The following GPR176 variants were observed in gnomAD, a reference collection of about 807,000 sequenced individuals.
GPR176 encodes the protein G-protein coupled receptor 176.
Under a neutral mutation model 35.4 loss-of-function variants are expected in GPR176, and 26 were observed. The ratio of observed to expected loss-of-function variants is 0.74; its 90% confidence interval spans 0.54 to 1.02. The LOEUF is 1.02. GPR176 is among the 50% of genes least tolerant of loss of function. The pLI, the probability that GPR176 is intolerant of heterozygous loss-of-function variation, is 0.00. For synonymous variants in GPR176, 278 were observed against 271.3 expected, an observed-to-expected ratio of 1.02 and a Z score of -0.24; for missense variants, 597 against 665.3, an observed-to-expected ratio of 0.90 and a Z score of 1.13.
At chr15:39,824,396 A>G (rs752547458) in intron 1 of GPR176, among the ~76,000 whole-genome samples, 1 of 152,142 alleles carries the variant, frequency 6.6e-6, no homozygotes, top group Non-Finnish European at 1.5e-5. Context: ...CCTCATCCTC[A>G]CTAAGTTTAC....
chr15:39,909,251 T>C (rs1340640070), intron 1 of GPR176, among the ~76,000 whole-genome samples: 1 of 152,174 alleles, frequency 6.6e-6, no homozygotes, highest in Admixed American at 6.5e-5. Context: ...AGATGATGGA[T>C]GCCTCTGGTT....
At chr15:39,859,491 G>GA (rs34571204) in intron 1 of GPR176, among the ~76,000 whole-genome samples, 109,129 of 143,588 alleles carry the variant, frequency 0.76, 41,501 homozygotes, top group Non-Finnish European at 0.81. Flanking sequence ...TGGCCACTGT[G>GA]AAAAAAAAAA....
intron 1 of GPR176, chr15:39,862,021 G>A (rs146597398): frequency 0.013 from 2,041 of 152,260 alleles, 17 homozygotes; most frequent in African/African-American, 0.023. Context: ...CCACTCTAGT[G>A]GTTGCCTGAC....
chr15:39,825,524 T>C (rs1312241750), intron 1 of GPR176, among the ~76,000 whole-genome samples: 4 of 152,150 alleles, frequency 2.6e-5, no homozygotes, highest in Non-Finnish European at 5.9e-5. Flanking sequence ...TTTATATATA[T>C]GCATTACATA....
At chr15:39,917,490 C>A (rs923287944) in intron 1 of GPR176, among the ~76,000 whole-genome samples, 1 of 151,148 alleles carries the variant, frequency 6.6e-6, no homozygotes, top group African/African-American at 2.4e-5. Context: ...TGCATGCCAC[C>A]ACATGCAGCT....
At chr15:39,811,323 C>A (rs1411275021) in intron 1 of GPR176, among the ~76,000 whole-genome samples, 1 of 152,020 alleles carries the variant, frequency 6.6e-6, no homozygotes, top group Non-Finnish European at 1.5e-5. Context: ...GCCACTCTAC[C>A]CAGCTAGAAC....
At chr15:39,861,572 A>G (rs2140827624) in intron 1 of GPR176, among the ~76,000 whole-genome samples, 1 of 152,048 alleles carries the variant, frequency 6.6e-6, no homozygotes, top group South Asian at 2.1e-4. Flanking sequence ...CCTATATTTT[A>G]GTGTTGATGT....
intron 1 of GPR176, among the ~76,000 whole-genome samples, chr15:39,870,053 G>A (rs1262795914): frequency 1.3e-5 from 2 of 152,114 alleles, no homozygotes; most frequent in Non-Finnish European, 2.9e-5. Context: ...CAGTTCCTTT[G>A]GCAGCTCTAG....
chr15:39,892,335 T>C (rs2032905268), intron 1 of GPR176, among the ~76,000 whole-genome samples: 1 of 107,366 alleles, frequency 9.3e-6, no homozygotes, highest in South Asian at 2.4e-4. Context: ...CCTACTGTAA[T>C]TACATTACAT....
chr15:39,900,043 T>C (rs1007031189), intron 1 of GPR176, among the ~76,000 whole-genome samples: 2 of 152,124 alleles, frequency 1.3e-5, no homozygotes, highest in African/African-American at 4.8e-5. Context: ...TGTTATATAG[T>C]ATAATCATGT....
intron 1 of GPR176, among the ~76,000 whole-genome samples, chr15:39,893,080 T>A (rs1044935043): frequency 1.3e-5 from 2 of 151,164 alleles, no homozygotes; most frequent in Non-Finnish European, 2.9e-5. Flanking sequence ...ATCGAGAATA[T>A]TGATCTCTAA....
Position 39,801,902 on chromosome 15 carries a change from G to T in GPR176, c.778C>A (p.Arg260=), listed in dbSNP as rs768107128. 5 of 1,613,388 alleles carry T rather than the reference G, an allele frequency of 3.1e-6. No homozygotes were observed. In the Admixed American group the frequency reaches 6.7e-5, roughly 22 times the overall value. ...AGGGTGGCGTGCAGCTCGGCCTCCC[G>T]CTGGGAGGCATAGGGAATAGAGATG... The part of the protein sequence containing the change: ...NTISIPYASQ[R]EAELHATLLS... The change falls in exon 3 of 3, where the codon CGG becomes AGG. Residue 260 remains arginine (R), a synonymous_variant. Coordinates refer to ENST00000561100, the MANE Select transcript of GPR176 (RefSeq NM_007223.3).
intron 1 of GPR176, among the ~76,000 whole-genome samples, chr15:39,875,484 A>AT (rs1287073846): frequency 6.6e-6 from 1 of 152,198 alleles, no homozygotes; most frequent in Non-Finnish European, 1.5e-5. Context: ...GGAGAACTGC[A>AT]TATGTTCTCA....
Position 39,803,271 on chromosome 15 carries a change from C to CTTTTT in GPR176, c.426-1022_426-1018dup, listed in dbSNP as rs769645892. Among the ~76,000 whole-genome samples, 32 of 85,574 alleles carry CTTTTT rather than the reference C, an allele frequency of 3.7e-4. 3 individuals are homozygous for CTTTTT. The highest frequency in any genetic ancestry group is 5.0e-4 in the Non-Finnish European group (22 of 44,192). The allele number at this position is 85,574 out of a possible 152,430, so 56.1% of individuals were successfully genotyped here. ...ATAAGCTTTCAGATAACAAGTACTT[C>CTTTTT]TTTTTTTTTTTTTTTTTTTTTTTTT... On this transcript the variant is annotated intron_variant, in intron 2 of 2. Transcript: ENST00000561100.
chr15:39,827,697 G>A (rs1900771759), intron 1 of GPR176, among the ~76,000 whole-genome samples: 1 of 152,206 alleles, frequency 6.6e-6, no homozygotes, highest in Admixed American at 6.5e-5. Context: ...GTATCTATTA[G>A]ATTGGTGCAA....
intron 1 of GPR176, among the ~76,000 whole-genome samples, chr15:39,901,363 T>A (rs2033270787): frequency 6.6e-6 from 1 of 152,222 alleles, no homozygotes; most frequent in African/African-American, 2.4e-5. Context: ...AAAGTTTCTA[T>A]AAGTCAGATT....
At position 39,812,608 on chromosome 15, in the gene GPR176, G is replaced by T. The variant is rs183849661; in HGVS notation, c.173-5350C>A. Among the ~76,000 whole-genome samples the T allele has an allele frequency of 6.6e-5, 10 of 152,146 alleles. No individual in the cohort carries two copies. In the East Asian group the frequency reaches 1.9e-3, roughly 29 times the overall value. On this transcript the variant is annotated intron_variant, in intron 1 of 2. Transcript: ENST00000561100. ...CTCAGCTTGCAGACGGCCTACTGTGGGACTTCACTTTGTGATCGTGTGAGT... is the reference window on the plus strand; with the variant it reads ...CTCAGCTTGCAGACGGCCTACTGTGTGACTTCACTTTGTGATCGTGTGAGT...
chr15:39,863,273 G>A (rs1420603763), intron 1 of GPR176, among the ~76,000 whole-genome samples: 1 of 151,298 alleles, frequency 6.6e-6, no homozygotes, highest in Non-Finnish European at 1.5e-5. Flanking sequence ...AGTAGAGATG[G>A]GGTTTCACCG....
At chr15:39,885,088 T>C (rs1001801200) in intron 1 of GPR176, among the ~76,000 whole-genome samples, 2 of 152,160 alleles carry the variant, frequency 1.3e-5, no homozygotes, top group Non-Finnish European at 2.9e-5. Flanking sequence ...TTCCCGATCG[T>C]TTGCCATCAA....
Sources: gnomAD v4.1 joint callset for allele counts (sites outside exome capture counted in the v4.1 genomes callset) on GRCh38, gnomAD v4.1.1 for gene constraint, MANE v1.5 for transcripts, NCBI Gene and HGNC (gene_info 2026-07-23, HGNC 2026-07-21) for gene names.